The following NUDT18 variants were observed in gnomAD, a reference collection of about 807,000 sequenced individuals.
The protein encoded by NUDT18 is 8-oxo-dGDP phosphatase NUDT18.
In NUDT18, 26 loss-of-function variants were observed where a neutral mutation model predicts 27.6. The ratio of observed to expected loss-of-function variants is 0.94; its 90% CI spans 0.69 to 1.31. NUDT18 has a LOEUF of 1.31. Among genes scored for constraint, NUDT18 ranks in the 50% most tolerant of loss-of-function variants. The pLI is 0.00. For missense variants in NUDT18, 450 were observed against 433.4 expected (o/e 1.04, Z -0.34); for synonymous variants, 220 against 196.9 (o/e 1.12, Z -0.98).
At position 22,109,394 on chromosome 8, in the gene NUDT18, G is replaced by GCGGAGACCGCTCCCAGTCCCTT; in HGVS notation, c.-95_-94insAAGGGACTGGGAGCGGTCTCCG. On this transcript the variant is annotated 5_prime_UTR_variant, in exon 1 of 3. Coordinates refer to ENST00000611621, the MANE Select transcript of NUDT18 (RefSeq NM_024815.4). ...GCTGCGGAGCCCGCTCCCAGTCCCTGCGGCAGCGGGCCGGGAGCTCACGAG... is the reference window on the plus strand; with the variant it reads ...GCTGCGGAGCCCGCTCCCAGTCCCTGCGGAGACCGCTCCCAGTCCCTTCGGCAGCGGGCCGGGAGCTCACGAG... 2.5e-6 allele frequency: 3 copies of GCGGAGACCGCTCCCAGTCCCTT among 1,212,136 alleles called. No individual in the cohort carries two copies. Among genetic ancestry groups the GCGGAGACCGCTCCCAGTCCCTT allele is most frequent in the Non-Finnish European group, 3.2e-6 (3 of 940,032 alleles). 75.1% of individuals were successfully genotyped at this position (1,212,136 alleles called of 1,614,324 possible).
chr8:22,109,874 C>A, upstream of NUDT18: 1 of 395,928 alleles, frequency 2.5e-6, no homozygotes, highest in Middle Eastern at 3.5e-4. Context: ...TCTTCTCATT[C>A]CACCAAAGAG....
rs1554579100 is a variant in NUDT18 at position 22,109,378 on chromosome 8, C to CCCGCTCCCAGTGCCTGCGGAGA, written c.-79_-78insTCTCCGCAGGCACTGGGAGCGG. On this transcript the variant is annotated 5_prime_UTR_variant, in exon 1 of 3. Coordinates refer to ENST00000611621, the MANE Select transcript of NUDT18 (RefSeq NM_024815.4). ...CCGCGGGCTAGAGTGCGCTGCGGAG[C>CCCGCTCCCAGTGCCTGCGGAGA]CCGCTCCCAGTCCCTGCGGCAGCGG... is the stretch of plus-strand genomic sequence containing the variant. 2.5e-6 allele frequency: 3 copies of CCCGCTCCCAGTGCCTGCGGAGA among 1,195,274 alleles called. No homozygotes were observed. Among genetic ancestry groups the CCCGCTCCCAGTGCCTGCGGAGA allele is most frequent in the Non-Finnish European group, 3.2e-6 (3 of 931,084 alleles). 74.0% of individuals were successfully genotyped at this position (1,195,274 alleles called of 1,614,324 possible).
chr8:22,107,397 C>A lies in NUDT18; in HGVS notation c.875G>T (p.Gly292Val). Residue 292 changes from glycine (G) to valine (V), a missense_variant, in exon 3 of 3, where the codon GGT becomes GTT. Coordinates refer to ENST00000611621, the MANE Select transcript of NUDT18 (RefSeq NM_024815.4). ...GIQDEPPKVRGENFSWWKVME... is the reference protein window; with the variant it reads ...GIQDEPPKVRVENFSWWKVME... ...CACCTTCCACCAAGAGAAGTTCTCA[C>A]CCCGAACTTTTGGGGGTTCATCCTG... is the stretch of plus-strand genomic sequence containing the variant. 1.9e-6 allele frequency: 3 copies of A among 1,613,610 alleles called. No homozygotes were observed. Among genetic ancestry groups the A allele is most frequent in the East Asian group, 2.2e-5 (1 of 44,866 alleles).
intron 1 of NUDT18, among the ~76,000 whole-genome samples, 191 bp from the exon 2 acceptor site, chr8:22,108,537 G>A (rs1826409025): frequency 6.6e-6 from 1 of 152,216 alleles, no homozygotes; most frequent in African/African-American, 2.4e-5. Context: ...TCTCTCTCTG[G>A]ATTTAGGAAG....
rs752265604 is a variant in NUDT18 at position 22,107,638 on chromosome 8, G to C, written c.634C>G (p.Pro212Ala). The change falls in exon 3 of 3, where the codon CCT (proline) becomes GCT (alanine). Residue 212 changes from proline to alanine, a missense_variant. By Grantham distance (27) the Pro-to-Ala change is conservative (BLOSUM62 -1). Coordinates refer to ENST00000611621, the MANE Select transcript of NUDT18 (RefSeq NM_024815.4). ...VWVLVGTVGM[P>A]HLPVTACGLD... ...CCACAGGCAGTGACAGGCAAGTGAG[G>C]CATCCCCACTGTGCCCACTAACACC... The C allele has an allele frequency of 1.1e-4, 175 of 1,613,074 alleles. No homozygotes were observed. The highest frequency in any genetic ancestry group is 1.4e-4 in the Non-Finnish European group (161 of 1,179,790).
In NUDT18 at chr8:22,108,312, T is replaced by A; in HGVS notation, c.197A>T (p.Glu66Val). 1 of 1,585,898 alleles carries A rather than the reference T, an allele frequency of 6.3e-7. No individual in the cohort carries two copies. Among genetic ancestry groups the A allele is most frequent in the Non-Finnish European group, 8.6e-7 (1 of 1,167,890 alleles). The change falls in exon 2 of 3, where the codon GAG (glutamate) becomes GTG (valine). Residue 66 changes from glutamate to valine, a missense_variant. Coordinates refer to ENST00000611621, the MANE Select transcript of NUDT18 (RefSeq NM_024815.4). ...AGGCAGGTACCACGACCCCCGGCAC[T>A]CCCTCTTGGCCTCCTGGATCAGTAG... ...EVLLIQEAKR[E>V]CRGSWYLPAG...
In NUDT18 at chr8:22,107,417, A is replaced by T; in HGVS notation, c.855T>A (p.Asp285Glu). The T allele has an allele frequency of 6.2e-7, 1 of 1,613,426 alleles. No homozygotes were observed. Among genetic ancestry groups the T allele is most frequent in the East Asian group, 2.2e-5 (1 of 44,866 alleles). Residue 285 changes from aspartate (D) to glutamate (E), a missense_variant, in exon 3 of 3, where the codon GAT becomes GAA. Coordinates refer to ENST00000611621, the MANE Select transcript of NUDT18 (RefSeq NM_024815.4). ...TVAFRSPGIQ[D>E]EPPKVRGENF... ...TCTCACCCCGAACTTTTGGGGGTTCATCCTGGATCCCTGGGCTCCGAAAAG... is the reference window on the plus strand; with the variant it reads ...TCTCACCCCGAACTTTTGGGGGTTCTTCCTGGATCCCTGGGCTCCGAAAAG...
rs1826426999 is a variant in NUDT18 at position 22,109,369 on chromosome 8, G to GCGGCGGAGCCCGCTCCCAGTCC, written c.-70_-69insGGACTGGGAGCGGGCTCCGCCG. On this transcript the variant is annotated 5_prime_UTR_variant, in exon 1 of 3. Coordinates refer to ENST00000611621, the MANE Select transcript of NUDT18 (RefSeq NM_024815.4). The stretch of plus-strand genomic sequence containing the variant: ...TGAGCCGAGCCGCGGGCTAGAGTGC[G>GCGGCGGAGCCCGCTCCCAGTCC]CTGCGGAGCCCGCTCCCAGTCCCTG... The GCGGCGGAGCCCGCTCCCAGTCC allele has an allele frequency of 8.4e-6, 6 of 712,816 alleles. No homozygotes were observed. Among genetic ancestry groups the GCGGCGGAGCCCGCTCCCAGTCC allele is most frequent in the Middle Eastern group, 1.2e-3 (2 of 1,632 alleles). The allele number at this position is 712,816 out of a possible 1,614,324, so 44.2% of individuals were successfully genotyped here.
At chr8:22,108,629 T>A (rs186402658) in intron 1 of NUDT18, among the ~76,000 whole-genome samples, 279 of 152,316 alleles carry the variant, frequency 1.8e-3, no homozygotes, top group Non-Finnish European at 3.2e-3. Context: ...GGTCACCATG[T>A]GTCTGTCTGT....
Position 22,109,207 on chromosome 8 carries a change from G to A in NUDT18, c.94C>T (p.Pro32Ser). The change falls in exon 1 of 3, where the codon CCG becomes TCG. Residue 32 changes from proline to serine, a missense_variant. Physicochemically the swap from Pro to Ser is moderately conservative, Grantham distance 74. Transcript: ENST00000611621. ...TTCCGCAGCCGCACGGGCGCCGGCG[G>A]CTCCCCGGCCGGCGCCGAGTCGCAG... is the stretch of plus-strand genomic sequence containing the variant. ...HSCDSAPAGE[P>S]PAPVRLRKNV... The A allele has an allele frequency of 1.4e-6, 2 of 1,444,146 alleles. No homozygotes were observed. The highest frequency in any genetic ancestry group is 2.7e-5 in the South Asian group (2 of 73,530). The allele number at this position is 1,444,146 out of a possible 1,614,324, so 89.5% of individuals were successfully genotyped here. A position where few individuals can be genotyped will look rare whatever the true frequency, so the allele number is the denominator to read the frequency against.
chr8:22,109,544 G>A, upstream of NUDT18: 1 of 467,770 alleles, frequency 2.1e-6, no homozygotes, highest in South Asian at 2.2e-5. Flanking sequence ...GGCCGCCCGG[G>A]GCCGCCCTGG....
chr8:22,107,022 G>A lies in NUDT18; in HGVS notation c.*278C>T. ...AACGTGATGAGGAGATGCCACTGGG[G>A]GTGCAGAAAGCTCCCCATCCCCCTG... On this transcript the variant is annotated 3_prime_UTR_variant, in exon 3 of 3. Coordinates refer to ENST00000611621, the MANE Select transcript of NUDT18 (RefSeq NM_024815.4). 2.4e-6 allele frequency: 1 copy of A among 415,024 alleles called. No individual in the cohort carries two copies. 25.7% of individuals were successfully genotyped at this position (415,024 alleles called of 1,614,324 possible).
At position 22,107,645 on chromosome 8, in the gene NUDT18, C is replaced by T. The variant is rs1826389842; in HGVS notation, c.627G>A (p.Val209=). ...AQTVWVLVGT[V]GMPHLPVTAC... is the part of the protein sequence containing the mutation. ...CAGTGACAGGCAAGTGAGGCATCCC[C>T]ACTGTGCCCACTAACACCCACACTG... Residue 209 remains valine (V), a synonymous_variant, in exon 3 of 3, where the codon GTG becomes GTA. Coordinates refer to ENST00000611621, the MANE Select transcript of NUDT18 (RefSeq NM_024815.4). The T allele has an allele frequency of 1.9e-6, 3 of 1,612,960 alleles. No homozygotes were observed. Among genetic ancestry groups the T allele is most frequent in the Non-Finnish European group, 1.7e-6 (2 of 1,179,648 alleles).
In NUDT18 at chr8:22,108,203, G is replaced by A. The variant is rs780651536; in HGVS notation, c.306C>T (p.Pro102=). Residue 102 remains proline, a synonymous_variant, in exon 2 of 3, where the codon CCC becomes CCT. Transcript: ENST00000611621. ...GCTCCTCCACGGACAGCAGTGTCTC[G>A]GGCTCACAGTGCAGCCCCGCCTCCT... ...VKEEAGLHCE[P]ETLLSVEERG... 5.7e-6 allele frequency: 9 copies of A among 1,592,068 alleles called. No homozygotes were observed. Among genetic ancestry groups the A allele is most frequent in the Admixed American group, 1.8e-5 (1 of 56,504 alleles).
Position 22,109,360 on chromosome 8 carries a change from C to T in NUDT18, c.-60G>A. On this transcript the variant is annotated 5_prime_UTR_variant, in exon 1 of 3. Coordinates refer to ENST00000611621, the MANE Select transcript of NUDT18 (RefSeq NM_024815.4). ...CAGACCGACTGAGCCGAGCCGCGGGCTAGAGTGCGCTGCGGAGCCCGCTCC... is the reference window on the plus strand; with the variant it reads ...CAGACCGACTGAGCCGAGCCGCGGGTTAGAGTGCGCTGCGGAGCCCGCTCC... 7.5e-6 allele frequency: 10 copies of T among 1,328,180 alleles called. No homozygotes were observed. The highest frequency in any genetic ancestry group is 9.6e-6 in the Non-Finnish European group (10 of 1,041,798). 82.3% of individuals were successfully genotyped at this position (1,328,180 alleles called of 1,614,324 possible). A position where few individuals can be genotyped will look rare whatever the true frequency, so the allele number is the denominator to read the frequency against.
At chr8:22,109,031 G>C (rs1004376406) in intron 1 of NUDT18, 108 bp downstream of exon 1, 1 of 856,222 alleles carries the variant, frequency 1.2e-6, no homozygotes, top group Non-Finnish European at 1.6e-6. Flanking sequence ...GCAAAACTGG[G>C]AAGCGCCACG....
At chr8:22,109,684 G>C (rs1050333808), upstream of NUDT18, 4 of 465,038 alleles carry the variant, frequency 8.6e-6, no homozygotes, top group East Asian at 6.7e-5. Context: ...CTGGTCTGCA[G>C]GAGCTCCGAC....
Position 22,107,712 on chromosome 8 carries a change from A to G in NUDT18, c.560T>C (p.Leu187Pro), listed in dbSNP as rs1376944117. The part of the protein sequence containing the change: ...LILPQELPCD[L>P]VCQRLVATFT... ...GGTAGCCACGAGCCGCTGGCAGACCAGATCACAGGGTAGCTCTTGGGGCAG... is the reference window on the plus strand; with the variant it reads ...GGTAGCCACGAGCCGCTGGCAGACCGGATCACAGGGTAGCTCTTGGGGCAG... The change falls in exon 3 of 3, where the codon CTG becomes CCG. Residue 187 changes from leucine to proline, a missense_variant. Leu to Pro is a moderately conservative substitution (Grantham distance 98). Coordinates refer to ENST00000611621, the MANE Select transcript of NUDT18 (RefSeq NM_024815.4). 5.6e-6 allele frequency: 9 copies of G among 1,613,470 alleles called. No homozygotes were observed. The highest frequency in any genetic ancestry group is 7.6e-6 in the Non-Finnish European group (9 of 1,179,744).
intron 2 of NUDT18, 76 bp from the exon 3 acceptor site, chr8:22,107,971 T>A: frequency 7.2e-7 from 1 of 1,389,356 alleles, no homozygotes; most frequent in South Asian, 1.4e-5. Context: ...TCAACAGACA[T>A]CCCTGACCCA....
Sources: gnomAD v4.1 joint callset for allele counts (sites outside exome capture counted in the v4.1 genomes callset) on GRCh38, gnomAD v4.1.1 for gene constraint, MANE v1.5 for transcripts, NCBI Gene and HGNC (gene_info 2026-07-23, HGNC 2026-07-21) for gene names.